Variants in OR5D3 observed in about 807,000 individuals in gnomAD.
The protein encoded by OR5D3 is olfactory receptor family 5 subfamily D member 3, also known as olfactory receptor 5D3.
the OR5D3 span, chr11:55,728,329 A>G: frequency 1.3e-5 from 2 of 152,118 alleles, no homozygotes; most frequent in African/African-American, 4.8e-5. Context: ...CAAGATTACA[A>G]GTCAAGAGTG....
chr11:55,724,711 C>A, the OR5D3 span, among the ~76,000 whole-genome samples: 1 of 152,026 alleles, frequency 6.6e-6, no homozygotes, highest in Non-Finnish European at 1.5e-5. Flanking sequence ...AAGTCATTGG[C>A]TCTCAGGTTA....
the OR5D3 span, chr11:55,726,386 C>T: frequency 4.2e-6 from 2 of 473,834 alleles, no homozygotes; most frequent in East Asian, 6.3e-5. Context: ...CTCCACACCC[C>T]TATGTACTTT....
the OR5D3 span, chr11:55,728,010 G>A: frequency 1.3e-5 from 2 of 152,038 alleles, no homozygotes; most frequent in Non-Finnish European, 2.9e-5. Flanking sequence ...CTAACAGTAA[G>A]CAATCCTTTC....
the OR5D3 span, chr11:55,726,409 T>C: frequency 2.1e-6 from 1 of 474,208 alleles, no homozygotes; most frequent in Non-Finnish European, 3.9e-6. Context: ...CCTCAGCCAC[T>C]TGTCCTTTGT....
At chr11:55,727,975 G>T in the OR5D3 span, 2 of 152,080 alleles carry the variant, frequency 1.3e-5, no homozygotes. Flanking sequence ...ATTGATAAAA[G>T]AAATATTCAT....
At chr11:55,726,002 T>G in the OR5D3 span, among the ~76,000 whole-genome samples, 2 of 152,076 alleles carry the variant, frequency 1.3e-5, no homozygotes. Flanking sequence ...AATTTTGTTT[T>G]TTATTATTCC....
the OR5D3 span, chr11:55,726,527 G>A: frequency 2.4e-6 from 1 of 421,044 alleles, no homozygotes. Context: ...TTCTTTGCCT[G>A]TATATTTGTG....
the OR5D3 span, among the ~76,000 whole-genome samples, chr11:55,724,392 A>C: frequency 1.1e-4 from 17 of 152,212 alleles, no homozygotes; most frequent in East Asian, 1.4e-3. Flanking sequence ...AAATGATAGG[A>C]TATGGTTTAT....
the OR5D3 span, chr11:55,726,323 T>TCCTGACCATCTA: frequency 4.5e-6 from 2 of 449,436 alleles, no homozygotes; most frequent in Non-Finnish European, 8.0e-6. Flanking sequence ...ATCTACACAA[T>TCCTGACCATCTA]CACTGTGATG....
chr11:55,723,845 A>T, the OR5D3 span: 1 of 368,076 alleles, frequency 2.7e-6, no homozygotes, highest in African/African-American at 2.1e-5. Context: ...TCTAGATGTG[A>T]CCTTATCTCT....
the OR5D3 span, chr11:55,728,803 A>C: frequency 6.6e-6 from 1 of 152,050 alleles, no homozygotes; most frequent in African/African-American, 2.4e-5. Flanking sequence ...AAAGTAACAG[A>C]GGATTTACTT....
At chr11:55,727,202 T>C in the OR5D3 span, 2 of 397,750 alleles carry the variant, frequency 5.0e-6, no homozygotes, top group African/African-American at 2.1e-5. Flanking sequence ...AGCACTGCAG[T>C]TGTTCAATAA....
chr11:55,728,872 G>A, the OR5D3 span: 1 of 151,860 alleles, frequency 6.6e-6, no homozygotes, highest in Non-Finnish European at 1.5e-5. Context: ...TATTTTTAAA[G>A]CTGTGTGTAT....
At chr11:55,723,949 G>C in the OR5D3 span, 1 of 397,144 alleles carries the variant, frequency 2.5e-6, no homozygotes, top group Admixed American at 4.4e-5. Context: ...GTTGTTTTCA[G>C]GTTTGTTTCT....
chr11:55,726,669 T>C, the OR5D3 span: 14 of 399,742 alleles, frequency 3.5e-5, no homozygotes, highest in East Asian at 4.6e-4. Flanking sequence ...ACTCTTGGAG[T>C]TTAGTTTGTT....
At chr11:55,724,080 T>C in the OR5D3 span, 2 of 397,598 alleles carry the variant, frequency 5.0e-6, no homozygotes, top group Non-Finnish European at 8.9e-6. Context: ...TTTTTTAAAA[T>C]TTTATTTCAG....
chr11:55,726,696 T>A, the OR5D3 span: 4 of 399,264 alleles, frequency 1.0e-5, no homozygotes, highest in Admixed American at 4.4e-5. Context: ...CATACACATA[T>A]TTTCTGTTGA....
At chr11:55,724,193 T>G in the OR5D3 span, 1 of 386,312 alleles carries the variant, frequency 2.6e-6, no homozygotes, top group Non-Finnish European at 4.6e-6. Flanking sequence ...AGAGGACCTA[T>G]GTTGTTATAT....
chr11:55,726,506 T>A, the OR5D3 span: 1 of 436,454 alleles, frequency 2.3e-6, no homozygotes, highest in Middle Eastern at 3.5e-4. Flanking sequence ...ACAGGATGCA[T>A]CATGCAATTC....
Sources: allele counts gnomAD v4.1 joint callset (sites outside exome capture counted in the v4.1 genomes callset), GRCh38; gene constraint gnomAD v4.1.1; transcripts MANE v1.5; gene names NCBI Gene and HGNC (gene_info 2026-07-23, HGNC 2026-07-21).